The following FAM167A variants were observed in gnomAD, a reference collection of about 807,000 sequenced individuals.
FAM167A encodes protein FAM167A.
Under a neutral mutation model 14.9 loss-of-function variants are expected in FAM167A, and 23 were observed. The ratio of observed to expected loss-of-function variants is 1.55; its 90% CI spans 1.11 to 2.19. FAM167A has a LOEUF of 2.19. Ranked by LOEUF, FAM167A falls within the 30% of genes most tolerant of loss-of-function variation. The probability of loss-of-function intolerance (pLI) is 0.00; values close to 1 mark genes in which losing one functional copy is unlikely to be tolerated. For synonymous variants in FAM167A, 174 were observed against 117.7 expected (o/e 1.48, Z -3.10); for missense variants, 401 against 281.5 (o/e 1.42, Z -3.04).
At chr8:11,441,192 C>T (rs115232769) in intron 2 of FAM167A, among the ~76,000 whole-genome samples, 5 of 152,246 alleles carry the variant, frequency 3.3e-5, no homozygotes, top group African/African-American at 7.2e-5. Flanking sequence ...GCCCATTCAC[C>T]GAAGGAGCCC....
intron 2 of FAM167A, among the ~76,000 whole-genome samples, chr8:11,439,023 C>A (rs991996455): frequency 1.3e-5 from 2 of 152,228 alleles, no homozygotes; most frequent in African/African-American, 4.8e-5. Flanking sequence ...GGCTTTCTGG[C>A]AGCTCAGGGC....
intron 2 of FAM167A, among the ~76,000 whole-genome samples, chr8:11,435,680 T>A (rs1805957062): frequency 6.6e-6 from 1 of 152,120 alleles, no homozygotes; most frequent in South Asian, 2.1e-4. Flanking sequence ...CAGCCCCTGG[T>A]TCAAAGTCCT....
At chr8:11,470,120 C>G (rs1807908943), upstream of FAM167A, among the ~76,000 whole-genome samples, 1 of 152,056 alleles carries the variant, frequency 6.6e-6, no homozygotes, top group African/African-American at 2.4e-5. Flanking sequence ...CGATGACCGA[C>G]AAATACGCTA....
At chr8:11,465,906 G>A (rs550046482) in intron 1 of FAM167A, among the ~76,000 whole-genome samples, 1 of 152,170 alleles carries the variant, frequency 6.6e-6, no homozygotes, top group Non-Finnish European at 1.5e-5. Context: ...ATCTTCCCAG[G>A]AGGTCCCAGT....
intron 1 of FAM167A, among the ~76,000 whole-genome samples, chr8:11,465,993 C>G (rs1460011582): frequency 6.6e-6 from 1 of 152,052 alleles, no homozygotes; most frequent in Non-Finnish European, 1.5e-5. Flanking sequence ...ATACATCCAA[C>G]CTAACTTGGC....
intron 2 of FAM167A, among the ~76,000 whole-genome samples, chr8:11,429,404 C>A (rs1170137263): frequency 1.3e-5 from 2 of 152,214 alleles, no homozygotes; most frequent in African/African-American, 2.4e-5. Flanking sequence ...TTCAGGAGAG[C>A]AGGTCTGAGC....
chr8:11,459,210 G>C (rs1005305468), intron 1 of FAM167A, among the ~76,000 whole-genome samples: 1 of 152,074 alleles, frequency 6.6e-6, no homozygotes, highest in African/African-American at 2.4e-5. Context: ...TGACCCTGAG[G>C]CATGACTGGT....
intron 2 of FAM167A, chr8:11,438,354 A>G: frequency 2.3e-6 from 1 of 440,612 alleles, no homozygotes; most frequent in Non-Finnish European, 4.6e-6. Flanking sequence ...CTCTCACATC[A>G]AACAGGAATG....
intron 2 of FAM167A, among the ~76,000 whole-genome samples, chr8:11,441,097 A>G (rs12114115): frequency 0.86 from 131,175 of 152,230 alleles, 56,858 homozygotes; most frequent in African/African-American, 0.93. Flanking sequence ...TGTCTGGTGT[A>G]CTTTGGGCCT....
upstream of FAM167A, among the ~76,000 whole-genome samples, chr8:11,470,124 T>C (rs931633881): frequency 1.3e-5 from 2 of 152,092 alleles, no homozygotes; most frequent in African/African-American, 4.8e-5. Context: ...GACCGACAAA[T>C]ACGCTAAGTA....
At position 11,424,275 on chromosome 8, in the gene FAM167A, T is replaced by C; in HGVS notation, c.*98A>G. On this transcript the variant is annotated 3_prime_UTR_variant, in exon 3 of 3. Coordinates refer to ENST00000284486, the MANE Select transcript of FAM167A (RefSeq NM_053279.3). The stretch of plus-strand genomic sequence containing the variant: ...GTCGCCAGTCCCAGGGACCCCTGCC[T>C]CCGGGAGACCCACTGGAGTAACTTG... The C allele has an allele frequency of 6.5e-7, 1 of 1,529,060 alleles. No homozygotes were observed. The highest frequency in any genetic ancestry group is 8.9e-7 in the Non-Finnish European group (1 of 1,127,670). The allele number at this position is 1,529,060 out of a possible 1,614,324, so 94.7% of individuals were successfully genotyped here.
intron 1 of FAM167A, among the ~76,000 whole-genome samples, chr8:11,447,878 G>C (rs1164925782): frequency 1.3e-5 from 2 of 152,172 alleles, no homozygotes; most frequent in African/African-American, 4.8e-5. Context: ...ATGAAACGAA[G>C]ATGCGGGGCT....
chr8:11,438,064 C>G, intron 2 of FAM167A: 1 of 443,914 alleles, frequency 2.3e-6, no homozygotes, highest in Non-Finnish European at 4.5e-6. Flanking sequence ...GACAGGAGCC[C>G]TGACCCATCC....
At chr8:11,460,612 A>G (rs1256299743) in intron 1 of FAM167A, among the ~76,000 whole-genome samples, 1 of 152,238 alleles carries the variant, frequency 6.6e-6, no homozygotes, top group Non-Finnish European at 1.5e-5. Context: ...TGGTGCAACA[A>G]GAGCAACCAC....
intron 2 of FAM167A, among the ~76,000 whole-genome samples, chr8:11,425,352 G>C (rs1805063034): frequency 6.6e-6 from 1 of 152,152 alleles, no homozygotes. Context: ...GGCTCACAAA[G>C]CTCATCCACA....
At chr8:11,425,606 GA>G (rs1055043128) in intron 2 of FAM167A, among the ~76,000 whole-genome samples, 11 of 152,090 alleles carry the variant, frequency 7.2e-5, no homozygotes, top group African/African-American at 2.4e-4. Context: ...GAGGACCCCA[GA>G]GAAGCCTGAA....
At chr8:11,458,604 A>C (rs1253174935) in intron 1 of FAM167A, among the ~76,000 whole-genome samples, 1 of 152,154 alleles carries the variant, frequency 6.6e-6, no homozygotes, top group Non-Finnish European at 1.5e-5. Context: ...GGGGATGTGC[A>C]ATGGGCCACA....
At chr8:11,432,192 C>G (rs1805653392) in intron 2 of FAM167A, among the ~76,000 whole-genome samples, 1 of 152,106 alleles carries the variant, frequency 6.6e-6, no homozygotes, top group Non-Finnish European at 1.5e-5. Context: ...TCTCTGATCC[C>G]ACGGACTGAT....
chr8:11,453,797 G>A (rs1807120708), intron 1 of FAM167A, among the ~76,000 whole-genome samples: 1 of 151,956 alleles, frequency 6.6e-6, no homozygotes, highest in African/African-American at 2.4e-5. Context: ...CACCTTCACT[G>A]AGTTTATGGA....
Sources: allele counts gnomAD v4.1 joint callset (sites outside exome capture counted in the v4.1 genomes callset), GRCh38; gene constraint gnomAD v4.1.1; transcripts MANE v1.5; gene names NCBI Gene and HGNC (gene_info 2026-07-23, HGNC 2026-07-21).